The following PXDN variants were observed in gnomAD, a reference collection of about 807,000 sequenced individuals.
PXDN encodes the protein peroxidasin, also known as peroxidasin homolog.
Under a neutral mutation model 140.3 loss-of-function variants are expected in PXDN, and 77 were observed. That is an observed-to-expected ratio of 0.55 (90% CI 0.46 to 0.66). The LOEUF is 0.66. PXDN is among the 30% of genes least tolerant of loss of function. The pLI is 0.00. For synonymous variants in PXDN, 911 were observed against 857.4 expected, an observed-to-expected ratio of 1.06 and a Z score of -1.09; for missense variants, 1,838 against 2,039.5, an observed-to-expected ratio of 0.90 and a Z score of 1.90.
intron 1 of PXDN, among the ~76,000 whole-genome samples, chr2:1,702,044 G>A (rs1364021690): frequency 1.3e-5 from 2 of 152,136 alleles, no homozygotes; most frequent in African/African-American, 2.4e-5. Context: ...ACGCCTGAAC[G>A]GAGTAAGACA....
rs551293548 is a variant in PXDN at position 1,671,262 on chromosome 2, A to C, written c.1018+2381T>G. 2.6e-4 allele frequency among the ~76,000 whole-genome samples: 40 copies of C among 152,352 alleles called. No homozygotes were observed. The South Asian group carries it at 8.3e-3, about 32-fold the overall frequency. ...TCCAAACAAGTAGTGGGGAGCAAATATGAAAAATAATTATTTCCAACTAAA... is the reference window on the plus strand; with the variant it reads ...TCCAAACAAGTAGTGGGGAGCAAATCTGAAAAATAATTATTTCCAACTAAA... On this transcript the variant is annotated intron_variant, in intron 9 of 22. Coordinates refer to ENST00000252804, the MANE Select transcript of PXDN (RefSeq NM_012293.3).
chr2:1,703,438 C>G (rs1327365696), intron 1 of PXDN, among the ~76,000 whole-genome samples: 19 of 24,248 alleles, frequency 7.8e-4, no homozygotes, highest in East Asian at 1.7e-3. Flanking sequence ...CCAGGTGAAG[C>G]GGGGGACAAC....
intron 1 of PXDN, among the ~76,000 whole-genome samples, chr2:1,720,717 C>CTCTGCCTCTCTT (rs1308447389): frequency 1.2e-5 from 1 of 82,266 alleles, no homozygotes; most frequent in African/African-American, 5.5e-5. Context: ...TTCTCTCTCT[C>CTCTGCCTCTCTT]TCTCTCTCAC....
At position 1,701,688 on chromosome 2, in the gene PXDN, C is replaced by A. The variant is rs545356395; in HGVS notation, c.201-8554G>T. 5.2e-3 allele frequency among the ~76,000 whole-genome samples: 797 copies of A among 152,246 alleles called. 6 individuals carry two copies. Among genetic ancestry groups the A allele is most frequent in the African/African-American group, 0.018 (750 of 41,534 alleles). ...GTGGTAGTGCTCATGGCTCCCTGAG[C>A]CCCCACGGCTGCAGACTGAGCGTTC... On this transcript the variant is annotated intron_variant, in intron 1 of 22. Coordinates refer to ENST00000252804, the MANE Select transcript of PXDN (RefSeq NM_012293.3).
At chr2:1,741,554 A>G (rs4853759) in intron 1 of PXDN, among the ~76,000 whole-genome samples, 96,633 of 151,824 alleles carry the variant, frequency 0.64, 30,957 homozygotes, top group Admixed American at 0.71. Flanking sequence ...CCACAAATCA[A>G]ACAACCCAGT....
chr2:1,662,216 C>G (rs189116905), intron 12 of PXDN, 32 bp from the exon 13 acceptor site: 2 of 1,534,990 alleles, frequency 1.3e-6, no homozygotes, highest in Admixed American at 1.9e-5. Flanking sequence ...TCCAGGAGAA[C>G]GAGTCAATTA....
chr2:1,729,067 G>T (rs1460404583), intron 1 of PXDN, among the ~76,000 whole-genome samples: 1 of 152,130 alleles, frequency 6.6e-6, no homozygotes, highest in African/African-American at 2.4e-5. Flanking sequence ...AAGAACAGCT[G>T]ACTGTGAGGC....
chr2:1,654,370 A>G (rs1335888658), intron 15 of PXDN, 30 bp downstream of exon 15: 1 of 1,499,928 alleles, frequency 6.7e-7, no homozygotes, highest in Admixed American at 1.7e-5. Flanking sequence ...CAGTGATTTG[A>G]GGGTCAGCGT....
rs749932589 is a variant in PXDN, at chr2:1,654,441, A to C, written c.1905T>G (p.Val635=). 1.9e-6 allele frequency: 3 copies of C among 1,613,742 alleles called. No individual in the cohort carries two copies. In the East Asian group the frequency reaches 6.7e-5, roughly 36 times the overall value. The change falls in exon 15 of 23, where the codon GTT becomes GTG. Residue 635 remains valine (V), a synonymous_variant. Coordinates refer to ENST00000252804, the MANE Select transcript of PXDN (RefSeq NM_012293.3). ...TTCGGGTTGAGTTTATAGCTCTGTC[A>C]ACAGTCGCAATCGCTTCCACGATGG... ...ATSIVEAIAT[V]DRAINSTRTH... is the part of the protein sequence containing the mutation.
rs1558494345 is a variant in PXDN, at chr2:1,658,058, CTCTCTCTCTCTCTCTCTCTCTCT to C, written c.1837+2800_1837+2822del. On this transcript the variant is annotated intron_variant, in intron 14 of 22. Coordinates refer to ENST00000252804, the MANE Select transcript of PXDN (RefSeq NM_012293.3). ...TCTCTCTCTCTCTCTCTCTCTCTCT[CTCTCTCTCTCTCTCTCTCTCTCT>C]CTCTCTCTCTCTGTTACAGTGTCTG... 9.9e-4 allele frequency among the ~76,000 whole-genome samples: 125 copies of C among 126,896 alleles called. 15 individuals carry two copies. The highest frequency in any genetic ancestry group is 3.2e-3 in the East Asian group (13 of 4,104). 83.2% of individuals were successfully genotyped at this position (126,896 alleles called of 152,430 possible).
At chr2:1,688,958 C>G (rs924838361) in intron 3 of PXDN, among the ~76,000 whole-genome samples, 1 of 152,174 alleles carries the variant, frequency 6.6e-6, no homozygotes, top group African/African-American at 2.4e-5. Flanking sequence ...TACAACCCAT[C>G]TAAGTGGCTC....
At position 1,687,481 on chromosome 2, in the gene PXDN, C is replaced by A; in HGVS notation, c.416+151G>T. 1 of 509,476 alleles carries A rather than the reference C, an allele frequency of 2.0e-6. No homozygotes were observed. The highest frequency in any genetic ancestry group is 3.2e-6 in the Non-Finnish European group (1 of 308,718). 31.6% of individuals were successfully genotyped at this position (509,476 alleles called of 1,614,324 possible). A position where few individuals can be genotyped will look rare whatever the true frequency, so the allele number is the denominator to read the frequency against. ...CGGAGGGCAAATGACTCGCCCATCC[C>A]TGTTTTTCCGTCATCATGCACGTAC... On this transcript the variant is annotated intron_variant, in intron 4 of 22. Coordinates refer to ENST00000252804, the MANE Select transcript of PXDN (RefSeq NM_012293.3). This position sits in a 1 kb window ranked among gnomAD's most constrained non-coding sequence, Gnocchi z 4.0.
chr2:1,692,491 C>T (rs1180226741), intron 2 of PXDN: 4 of 471,366 alleles, frequency 8.5e-6, no homozygotes, highest in African/African-American at 2.0e-5. Flanking sequence ...GGATAGGCGG[C>T]CCAGACAGTC....
At chr2:1,693,609 T>G (rs1684231408) in intron 1 of PXDN, among the ~76,000 whole-genome samples, 1 of 152,176 alleles carries the variant, frequency 6.6e-6, no homozygotes, top group Admixed American at 6.5e-5. Context: ...AAACTGAATG[T>G]TTCAAAACCA....
chr2:1,697,625 A>G (rs932520493), intron 1 of PXDN, among the ~76,000 whole-genome samples: 3 of 151,988 alleles, frequency 2.0e-5, no homozygotes, highest in Admixed American at 2.0e-4. Flanking sequence ...GGGGGGAAAA[A>G]CTTCCCCCAA....
intron 1 of PXDN, among the ~76,000 whole-genome samples, chr2:1,700,833 C>T (rs1302914539): frequency 1.3e-5 from 2 of 152,120 alleles, no homozygotes; most frequent in Non-Finnish European, 2.9e-5. Context: ...TGAGATGGAG[C>T]CACTACACTC....
At chr2:1,724,312 G>GTTTTTT (rs34475212) in intron 1 of PXDN, among the ~76,000 whole-genome samples, 2 of 139,926 alleles carry the variant, frequency 1.4e-5, no homozygotes, top group Non-Finnish European at 1.5e-5. Context: ...CTGAATTTCC[G>GTTTTTT]TTTTTTTTTT....
chr2:1,671,349 C>A (rs1366964047), intron 9 of PXDN, among the ~76,000 whole-genome samples: 1 of 151,996 alleles, frequency 6.6e-6, no homozygotes, highest in Non-Finnish European at 1.5e-5. Context: ...TTATAAATCT[C>A]ATATTGTTAA....
At chr2:1,721,308 C>T (rs973491275) in intron 1 of PXDN, among the ~76,000 whole-genome samples, 20 of 152,128 alleles carry the variant, frequency 1.3e-4, no homozygotes, top group African/African-American at 3.9e-4. Flanking sequence ...AACAACTGAA[C>T]GGGAATAGTT....
Sources: allele counts gnomAD v4.1 joint callset (sites outside exome capture counted in the v4.1 genomes callset), GRCh38; gene constraint gnomAD v4.1.1; non-coding constraint Gnocchi (gnomAD v3.1); transcripts MANE v1.5; gene names NCBI Gene and HGNC (gene_info 2026-07-23, HGNC 2026-07-21).